Variants in CAMK1D observed in about 807,000 individuals in gnomAD.
The protein encoded by CAMK1D is calcium/calmodulin-dependent protein kinase type 1D.
CAMK1D carries 9 observed loss-of-function variants against 47.7 expected under a neutral mutation model. That is an observed-to-expected ratio of 0.19 (90% CI 0.11 to 0.33). The LOEUF is 0.33. Ranked by LOEUF, CAMK1D falls within the 10% of genes least tolerant of loss-of-function variation. The pLI is 1.00. For synonymous variants in CAMK1D, 184 were observed against 184.9 expected (o/e 0.99, Z 0.04); for missense variants, 291 against 488.7 (o/e 0.60, Z 3.81).
At chr10:12,406,722 CAAAAAAAAAAAAA>C (rs3061400) in intron 1 of CAMK1D, among the ~76,000 whole-genome samples, 61 of 69,240 alleles carry the variant, frequency 8.8e-4, no homozygotes, top group South Asian at 3.6e-3. Context: ...GACCCTGTCT[CAAAAAAAAAAAAA>C]AAAAAAAAAA....
intron 2 of CAMK1D, among the ~76,000 whole-genome samples, chr10:12,616,367 G>C (rs1838816407): frequency 6.6e-6 from 1 of 152,286 alleles, no homozygotes; most frequent in African/African-American, 2.4e-5. Flanking sequence ...ATGCTACAGC[G>C]AGACAGACTG....
intron 1 of CAMK1D, among the ~76,000 whole-genome samples, chr10:12,387,777 A>G (rs1279217091): frequency 6.6e-6 from 1 of 152,046 alleles, no homozygotes; most frequent in African/African-American, 2.4e-5. Flanking sequence ...GGCATGCGCT[A>G]CCGTACCTGG....
intron 7 of CAMK1D, among the ~76,000 whole-genome samples, chr10:12,814,533 A>C (rs35656696): frequency 0.08 from 12,120 of 152,188 alleles, 749 homozygotes; most frequent in South Asian, 0.26. Flanking sequence ...TCGCCAGCAC[A>C]TTGAGCATCT....
chr10:12,599,361 T>C (rs1312659489), intron 2 of CAMK1D, among the ~76,000 whole-genome samples: 1 of 152,110 alleles, frequency 6.6e-6, no homozygotes, highest in Non-Finnish European at 1.5e-5. Flanking sequence ...ATAAGGTGTC[T>C]CCTGGAGCTG....
rs1833458435 is a variant in CAMK1D, at chr10:12,833,758, C to A, written c.*4871C>A. Reference sequence around the variant, plus strand: ...CCTCTTTCCCAGGTTTGCACAATCACTTCTGGCAAATTAATTGAAGGTCCT... The same window carrying A: ...CCTCTTTCCCAGGTTTGCACAATCAATTCTGGCAAATTAATTGAAGGTCCT... On this transcript the variant is annotated 3_prime_UTR_variant, in exon 11 of 11. Coordinates refer to ENST00000619168, the MANE Select transcript of CAMK1D (RefSeq NM_153498.4). 1 of 152,180 alleles carries A rather than the reference C, an allele frequency of 6.6e-6. No individual in the cohort carries two copies. Among genetic ancestry groups the A allele is most frequent in the African/African-American group, 2.4e-5 (1 of 41,432 alleles). The allele number at this position is 152,180 out of a possible 1,614,324, so 9.4% of individuals were successfully genotyped here. A position where few individuals can be genotyped will look rare whatever the true frequency, so the allele number is the denominator to read the frequency against.
At chr10:12,522,791 C>T (rs1167121889) in intron 1 of CAMK1D, among the ~76,000 whole-genome samples, 3 of 143,004 alleles carry the variant, frequency 2.1e-5, no homozygotes, top group African/African-American at 7.7e-5. Flanking sequence ...GAGGCGCCCA[C>T]CACCTCCCAG....
chr10:12,357,341 A>C (rs887641793), intron 1 of CAMK1D, among the ~76,000 whole-genome samples: 1 of 149,938 alleles, frequency 6.7e-6, no homozygotes, highest in Admixed American at 6.7e-5. Flanking sequence ...TTTGAGACGG[A>C]GTCTCACTCT....
chr10:12,688,140 G>A (rs551700985), intron 3 of CAMK1D, among the ~76,000 whole-genome samples: 41 of 152,166 alleles, frequency 2.7e-4, no homozygotes, highest in Non-Finnish European at 4.7e-4. Flanking sequence ...GTTTAGTAAG[G>A]TTAGGCAATA....
rs1484075391 is a variant in CAMK1D, at chr10:12,829,521, C to CAGG, written c.*637_*639dup. The stretch of plus-strand genomic sequence containing the variant: ...GGCCAAGTCGGGCGGATCACAAGGT[C>CAGG]AGGAGATCAAGGCCATCCTGGCCAA... On this transcript the variant is annotated 3_prime_UTR_variant, in exon 11 of 11. Transcript: ENST00000619168. 6.6e-6 allele frequency: 1 copy of CAGG among 152,198 alleles called. No individual in the cohort carries two copies. Among genetic ancestry groups the CAGG allele is most frequent in the East Asian group, 1.9e-4 (1 of 5,182 alleles). The allele number at this position is 152,198 out of a possible 1,614,324, so 9.4% of individuals were successfully genotyped here. A position where few individuals can be genotyped will look rare whatever the true frequency, so the allele number is the denominator to read the frequency against.
chr10:12,791,338 G>T (rs1241961372), intron 6 of CAMK1D, 105 bp downstream of exon 6: 4 of 963,272 alleles, frequency 4.2e-6, no homozygotes, highest in Middle Eastern at 3.0e-4. Context: ...CAGTTTAAGG[G>T]TGCAGTTCAG....
At chr10:12,684,542 A>C (rs11257937) in intron 3 of CAMK1D, among the ~76,000 whole-genome samples, 4 of 152,028 alleles carry the variant, frequency 2.6e-5, no homozygotes, top group Non-Finnish European at 4.4e-5. Flanking sequence ...TCAATTCATG[A>C]TCTAAATACT....
At chr10:12,359,210 C>T (rs1436989736) in intron 1 of CAMK1D, among the ~76,000 whole-genome samples, 1 of 152,144 alleles carries the variant, frequency 6.6e-6, no homozygotes, top group African/African-American at 2.4e-5. Context: ...ACACTTGGAC[C>T]TAATGTGAGG....
At chr10:12,602,916 A>ATTATTATTATTATTC (rs1257780259) in intron 2 of CAMK1D, among the ~76,000 whole-genome samples, 1 of 148,030 alleles carries the variant, frequency 6.8e-6, no homozygotes, top group Non-Finnish European at 1.5e-5. Context: ...TATTATTATT[A>ATTATTATTATTATTC]TTATTATTTT....
chr10:12,602,255 G>A (rs1418964520), intron 2 of CAMK1D, among the ~76,000 whole-genome samples: 1 of 152,100 alleles, frequency 6.6e-6, no homozygotes, highest in Non-Finnish European at 1.5e-5. Flanking sequence ...TGTAGAGACA[G>A]GGTCTCACTA....
At chr10:12,368,210 A>T (rs113978121) in intron 1 of CAMK1D, among the ~76,000 whole-genome samples, 50,494 of 150,412 alleles carry the variant, frequency 0.34, 8,672 homozygotes, top group Middle Eastern at 0.38. Context: ...AAAAAAAAAA[A>T]AAAATAAAAT....
intron 2 of CAMK1D, among the ~76,000 whole-genome samples, chr10:12,604,435 T>C (rs893946037): frequency 6.6e-6 from 1 of 152,172 alleles, no homozygotes; most frequent in South Asian, 2.1e-4. Flanking sequence ...TTAGCAGAAG[T>C]GTTTGGCCGT....
intron 3 of CAMK1D, among the ~76,000 whole-genome samples, chr10:12,676,246 G>T (rs961053375): frequency 6.6e-6 from 1 of 152,136 alleles, no homozygotes; most frequent in Non-Finnish European, 1.5e-5. Flanking sequence ...TAGCCACCAC[G>T]CCCAGCCAGA....
At chr10:12,811,183 C>G (rs1832589719) in intron 6 of CAMK1D, among the ~76,000 whole-genome samples, 2 of 152,026 alleles carry the variant, frequency 1.3e-5, no homozygotes, top group East Asian at 3.9e-4. Context: ...CTTTGAGGAC[C>G]CTTGGCGATA....
intron 4 of CAMK1D, among the ~76,000 whole-genome samples, chr10:12,766,514 T>C (rs1037706745): frequency 6.6e-6 from 1 of 152,050 alleles, no homozygotes; most frequent in African/African-American, 2.4e-5. Context: ...GCACAGCTGC[T>C]GGCATTCACC....
Sources: gnomAD v4.1 joint callset for allele counts (sites outside exome capture counted in the v4.1 genomes callset) on GRCh38, gnomAD v4.1.1 for gene constraint, MANE v1.5 for transcripts, NCBI Gene and HGNC (gene_info 2026-07-23, HGNC 2026-07-21) for gene names.